PLCB1: variants seen among roughly 807,000 people sequenced by gnomAD.
The protein encoded by PLCB1 is 1-phosphatidylinositol 4,5-bisphosphate phosphodiesterase beta-1.
A neutral mutation model predicts 161.8 loss-of-function variants in PLCB1; 46 were observed. The ratio of observed to expected loss-of-function variants is 0.28; its 90% CI spans 0.22 to 0.36. The LOEUF (loss-of-function observed/expected upper bound fraction) is 0.36, where lower values mean the gene tolerates loss of function less well. PLCB1 is among the 10% of genes least tolerant of loss of function. The probability of loss-of-function intolerance (pLI) is 1.00; values close to 1 mark genes in which losing one functional copy is unlikely to be tolerated. For synonymous variants in PLCB1, 517 were observed against 503.7 expected, an observed-to-expected ratio of 1.03 and a Z score of -0.35; for missense variants, 1,016 against 1,472.5, an observed-to-expected ratio of 0.69 and a Z score of 5.07.
intron 2 of PLCB1, among the ~76,000 whole-genome samples, chr20:8,206,198 G>A (rs1383040142): frequency 1.3e-5 from 2 of 152,186 alleles, no homozygotes; most frequent in African/African-American, 4.8e-5. Context: ...GACTTGTATA[G>A]ATGTTAGCAC....
chr20:8,557,161 G>T (rs1040337636), intron 3 of PLCB1, among the ~76,000 whole-genome samples: 2 of 151,628 alleles, frequency 1.3e-5, no homozygotes, highest in East Asian at 3.9e-4. Flanking sequence ...AATAAACATA[G>T]AGTTACCATA....
At chr20:8,541,032 C>T (rs750120811) in intron 3 of PLCB1, among the ~76,000 whole-genome samples, 1 of 152,100 alleles carries the variant, frequency 6.6e-6, no homozygotes, top group African/African-American at 2.4e-5. Context: ...CAGAAGCCTC[C>T]GTTAACGTTG....
intron 7 of PLCB1, among the ~76,000 whole-genome samples, chr20:8,650,585 A>G: frequency 6.6e-6 from 1 of 152,138 alleles, no homozygotes; most frequent in Non-Finnish European, 1.5e-5. Context: ...CTACCCTACC[A>G]CTGGCTCGTC....
chr20:8,228,504 G>A (rs952943753), intron 2 of PLCB1, among the ~76,000 whole-genome samples: 1 of 151,914 alleles, frequency 6.6e-6, no homozygotes, highest in Non-Finnish European at 1.5e-5. Flanking sequence ...TCAAACTCTG[G>A]TTTCTGTTTT....
chr20:8,645,180 CAGGGTCCTCTGCCTA>C (rs1555779657), intron 4 of PLCB1, among the ~76,000 whole-genome samples: 12 of 147,674 alleles, frequency 8.1e-5, no homozygotes, highest in Middle Eastern at 3.5e-3. Flanking sequence ...ATAAACACTG[CAGGGTCCTCTGCCTA>C]GGAAAACCAG....
chr20:8,844,928 G>A (rs940442155), intron 31 of PLCB1, among the ~76,000 whole-genome samples: 2 of 151,824 alleles, frequency 1.3e-5, no homozygotes, highest in Non-Finnish European at 2.9e-5. Flanking sequence ...GGCTAACATG[G>A]TGAAACCCCA....
chr20:8,583,539 T>C (rs1305909696), intron 3 of PLCB1, among the ~76,000 whole-genome samples: 1 of 152,206 alleles, frequency 6.6e-6, no homozygotes, highest in Non-Finnish European at 1.5e-5. Context: ...TAATCTCCAG[T>C]ACATATGCCA....
chr20:8,553,428 C>T (rs1202919226), intron 3 of PLCB1, among the ~76,000 whole-genome samples: 1 of 152,034 alleles, frequency 6.6e-6, no homozygotes, highest in Non-Finnish European at 1.5e-5. Context: ...CATTTGGTGC[C>T]CAGAAATCTT....
At chr20:8,168,753 T>C (rs1413982679) in intron 2 of PLCB1, among the ~76,000 whole-genome samples, 1 of 152,004 alleles carries the variant, frequency 6.6e-6, no homozygotes, top group Non-Finnish European at 1.5e-5. Flanking sequence ...ATGTAGTCTT[T>C]TTTTTTTTTC....
At chr20:8,492,378 G>A (rs1361282868) in intron 3 of PLCB1, among the ~76,000 whole-genome samples, 2 of 152,018 alleles carry the variant, frequency 1.3e-5, no homozygotes, top group African/African-American at 4.8e-5. Flanking sequence ...TTGAATTCTG[G>A]TAATGCTGAT....
rs140157138 is a variant in PLCB1, at chr20:8,288,774, G to A, written c.178-82608G>A. 2.8e-3 allele frequency among the ~76,000 whole-genome samples: 422 copies of A among 152,250 alleles called. 1 individual carries two copies. The highest frequency in any genetic ancestry group is 9.8e-3 in the African/African-American group (408 of 41,534). On this transcript the variant is annotated intron_variant, in intron 2 of 31. Coordinates refer to ENST00000338037, the MANE Select transcript of PLCB1 (RefSeq NM_015192.4). ...GTGGGGCACGGAAGTACTAACTACA[G>A]TTACTGATCCACCTTCCTCTTTCTT...
At chr20:8,358,305 A>G (rs540662489) in intron 2 of PLCB1, among the ~76,000 whole-genome samples, 25 of 152,150 alleles carry the variant, frequency 1.6e-4, no homozygotes, top group African/African-American at 6.0e-4. Context: ...CTGGAGTGCA[A>G]TGGCATGATC....
chr20:8,433,712 CTCCTCCTCCTCA>C (rs1203999073), intron 3 of PLCB1, among the ~76,000 whole-genome samples: 1 of 121,218 alleles, frequency 8.2e-6, no homozygotes, highest in Non-Finnish European at 1.8e-5. Context: ...CCTCTTCCTC[CTCCTCCTCCTCA>C]TCCTCCTCCT....
intron 3 of PLCB1, among the ~76,000 whole-genome samples, chr20:8,489,489 T>C (rs985446377): frequency 8.0e-5 from 12 of 149,172 alleles, no homozygotes; most frequent in Admixed American, 6.6e-4. Flanking sequence ...GTGAAAAGCA[T>C]AACTTGGCTG....
At chr20:8,726,787 C>G (rs1979961593) in intron 16 of PLCB1, among the ~76,000 whole-genome samples, 1 of 152,056 alleles carries the variant, frequency 6.6e-6, no homozygotes, top group Non-Finnish European at 1.5e-5. Flanking sequence ...GGAAAATTTC[C>G]AAGGACCTTT....
intron 31 of PLCB1, among the ~76,000 whole-genome samples, chr20:8,857,158 G>A (rs1172355551): frequency 6.6e-6 from 1 of 152,146 alleles, no homozygotes; most frequent in Non-Finnish European, 1.5e-5. Flanking sequence ...CTGGTGGCAG[G>A]GTTTCAATAG....
chr20:8,540,559 C>T (rs1057029227), intron 3 of PLCB1, among the ~76,000 whole-genome samples: 3 of 152,148 alleles, frequency 2.0e-5, no homozygotes, highest in Non-Finnish European at 4.4e-5. Flanking sequence ...TTCACACAAA[C>T]CTTCCTGCCA....
chr20:8,447,354 G>A (rs750200967), intron 3 of PLCB1, among the ~76,000 whole-genome samples: 1 of 152,156 alleles, frequency 6.6e-6, no homozygotes, highest in Non-Finnish European at 1.5e-5. Flanking sequence ...GCTCATCTCT[G>A]AAATGGGAGA....
At chr20:8,872,276 T>C (rs1357626386) in intron 31 of PLCB1, among the ~76,000 whole-genome samples, 3 of 152,226 alleles carry the variant, frequency 2.0e-5, no homozygotes. Context: ...CAGTAATTGA[T>C]TTCCATTGTG....
Sources: allele counts gnomAD v4.1 joint callset (sites outside exome capture counted in the v4.1 genomes callset), GRCh38; gene constraint gnomAD v4.1.1; transcripts MANE v1.5; gene names NCBI Gene and HGNC (gene_info 2026-07-23, HGNC 2026-07-21).